FSTL5: variants seen among roughly 807,000 people sequenced by gnomAD.
FSTL5 encodes follistatin like 5.
FSTL5 carries 62 observed loss-of-function variants against 89.1 expected under a neutral mutation model. That is an observed-to-expected ratio of 0.70 (90% confidence interval 0.57 to 0.86). FSTL5 has a LOEUF of 0.86. Among genes scored for constraint, FSTL5 ranks in the 40% least tolerant of loss-of-function variants. The pLI is 0.00. For synonymous variants in FSTL5, 383 were observed against 346.2 expected (o/e 1.11, Z -1.18); for missense variants, 1,057 against 1,001.6 (o/e 1.06, Z -0.75).
intron 7 of FSTL5, among the ~76,000 whole-genome samples, chr4:161,610,997 T>C (rs541640366): frequency 7.5e-4 from 114 of 151,632 alleles, no homozygotes; most frequent in Non-Finnish European, 1.4e-3. Context: ...AACATGGATA[T>C]ATAATTAATG....
At chr4:161,968,000 A>T (rs1735375102) in intron 3 of FSTL5, among the ~76,000 whole-genome samples, 1 of 152,002 alleles carries the variant, frequency 6.6e-6, no homozygotes, top group African/African-American at 2.4e-5. Flanking sequence ...GAAAATAAAT[A>T]CTTGTGTATT....
chr4:161,835,985 C>T (rs537453028), intron 4 of FSTL5, among the ~76,000 whole-genome samples: 23 of 152,140 alleles, frequency 1.5e-4, no homozygotes, highest in South Asian at 1.2e-3. Flanking sequence ...AATCATGCTG[C>T]TATAAAGACA....
chr4:161,572,960 G>A (rs980618663), intron 8 of FSTL5, among the ~76,000 whole-genome samples: 1 of 152,170 alleles, frequency 6.6e-6, no homozygotes. Flanking sequence ...TGATGGTGTG[G>A]GTATGGGGTA....
In FSTL5 at chr4:161,628,828, A is replaced by G. The variant is rs1056929354; in HGVS notation, c.894+27500T>C. On this transcript the variant is annotated intron_variant, in intron 7 of 15. Transcript: ENST00000306100. ...CAGACTACTAATGGACAGCCATGAAATTCTGCTGCCTGGCTGTACTATGAA... is the reference window on the plus strand; with the variant it reads ...CAGACTACTAATGGACAGCCATGAAGTTCTGCTGCCTGGCTGTACTATGAA... Among the ~76,000 whole-genome samples, 3 of 152,192 alleles carry G rather than the reference A, an allele frequency of 2.0e-5. No homozygotes were observed. The East Asian group carries it at 5.8e-4, about 29-fold the overall frequency.
intron 6 of FSTL5, among the ~76,000 whole-genome samples, chr4:161,734,436 C>A (rs1380096428): frequency 6.6e-6 from 1 of 152,190 alleles, no homozygotes; most frequent in African/African-American, 2.4e-5. Context: ...CTGGCTGACA[C>A]TAATGCCTTC....
chr4:161,911,114 A>G (rs751732762), intron 4 of FSTL5, among the ~76,000 whole-genome samples: 12 of 152,172 alleles, frequency 7.9e-5, no homozygotes, highest in Non-Finnish European at 1.8e-4. Flanking sequence ...TGTATATTAC[A>G]TCTCTATGTA....
intron 12 of FSTL5, among the ~76,000 whole-genome samples, chr4:161,489,393 T>C (rs1012851830): frequency 6.6e-6 from 1 of 151,698 alleles, no homozygotes; most frequent in African/African-American, 2.4e-5. Flanking sequence ...GTCCAAAAAA[T>C]AGAAAATAGA....
At chr4:161,877,730 G>A (rs1363477089) in intron 4 of FSTL5, among the ~76,000 whole-genome samples, 1 of 151,990 alleles carries the variant, frequency 6.6e-6, no homozygotes, top group African/African-American at 2.4e-5. Flanking sequence ...GGAGGCTGAG[G>A]CAGGAGAATG....
At chr4:161,486,491 C>T (rs62324268) in intron 12 of FSTL5, among the ~76,000 whole-genome samples, 10,436 of 152,208 alleles carry the variant, frequency 0.069, 473 homozygotes, top group Middle Eastern at 0.11. Context: ...AGGCCTGGGT[C>T]TCTCACTGAT....
rs78852820 is a variant in FSTL5 at position 161,592,247 on chromosome 4, G to A, written c.895-4672C>T. On this transcript the variant is annotated intron_variant, in intron 7 of 15. Transcript: ENST00000306100. Reference sequence around the variant, plus strand: ...CAGAGAATGAGGATATGAGGTGCTGGTACAGAAAATTCTTTTTATTACCAT... The same window carrying A: ...CAGAGAATGAGGATATGAGGTGCTGATACAGAAAATTCTTTTTATTACCAT... Among the ~76,000 whole-genome samples, 19 of 152,036 alleles carry A rather than the reference G, an allele frequency of 1.2e-4. No individual in the cohort carries two copies. The East Asian group carries it at 2.9e-3, about 23-fold the overall frequency.
chr4:162,044,516 T>C (rs1738097822), intron 2 of FSTL5, among the ~76,000 whole-genome samples: 2 of 152,134 alleles, frequency 1.3e-5, no homozygotes, highest in Admixed American at 1.3e-4. Context: ...TAAATGAGCA[T>C]TTGTTTCAAC....
intron 10 of FSTL5, among the ~76,000 whole-genome samples, chr4:161,513,987 T>G (rs1200413349): frequency 6.6e-6 from 1 of 152,030 alleles, no homozygotes; most frequent in African/African-American, 2.4e-5. Context: ...CTTAAAATTT[T>G]AACAAAAAGA....
At chr4:161,636,361 G>A (rs541388195) in intron 7 of FSTL5, among the ~76,000 whole-genome samples, 36 of 151,240 alleles carry the variant, frequency 2.4e-4, no homozygotes, top group African/African-American at 8.7e-4. Context: ...AAGTAATTAG[G>A]TGTCTTTCTA....
chr4:161,621,267 T>TACACACACACAC (rs146037793), intron 7 of FSTL5, among the ~76,000 whole-genome samples: 31 of 146,178 alleles, frequency 2.1e-4, no homozygotes, highest in African/African-American at 7.6e-4. Context: ...ATGTAAAGAC[T>TACACACACACAC]ACACACACAC....
chr4:161,660,377 T>C (rs1223205568), intron 6 of FSTL5, among the ~76,000 whole-genome samples: 2 of 152,154 alleles, frequency 1.3e-5, no homozygotes, highest in Non-Finnish European at 2.9e-5. Flanking sequence ...TAGTACAACT[T>C]GCAGCGTGAT....
chr4:161,913,654 C>T (rs1200149402), intron 4 of FSTL5, among the ~76,000 whole-genome samples: 2 of 152,138 alleles, frequency 1.3e-5, no homozygotes, highest in Non-Finnish European at 2.9e-5. Flanking sequence ...CCCTGCAAAG[C>T]CACAGTGGCA....
intron 13 of FSTL5, among the ~76,000 whole-genome samples, chr4:161,477,924 C>T (rs923601158): frequency 6.6e-6 from 1 of 151,980 alleles, no homozygotes; most frequent in Non-Finnish European, 1.5e-5. Context: ...TAGTTAAAAA[C>T]TTAGCAGGAA....
intron 6 of FSTL5, among the ~76,000 whole-genome samples, chr4:161,696,366 ATAGTATAGT>A (rs1212032370): frequency 6.6e-6 from 1 of 152,024 alleles, no homozygotes; most frequent in Admixed American, 6.6e-5. Context: ...CTATGGCCTT[ATAGTATAGT>A]TTGAAATCAG....
intron 3 of FSTL5, among the ~76,000 whole-genome samples, chr4:161,931,142 G>A (rs1224997510): frequency 2.0e-5 from 3 of 151,832 alleles, no homozygotes; most frequent in African/African-American, 7.2e-5. Flanking sequence ...GCTGCCAAAG[G>A]GGAGAGATTA....
Sources: gnomAD v4.1 joint callset for allele counts (sites outside exome capture counted in the v4.1 genomes callset) on GRCh38, gnomAD v4.1.1 for gene constraint, MANE v1.5 for transcripts, NCBI Gene and HGNC (gene_info 2026-07-23, HGNC 2026-07-21) for gene names.